Variants in MAPK10 observed in about 807,000 individuals in gnomAD.
The protein encoded by MAPK10 is mitogen-activated protein kinase 10, also known as JNK3 alpha protein kinase.
In MAPK10, 25 loss-of-function variants were observed where a neutral mutation model predicts 59.3. The observed-to-expected ratio is 0.42, with a 90% CI of 0.31 to 0.59. MAPK10 has a LOEUF of 0.59. Ranked by LOEUF, MAPK10 falls within the 20% of genes least tolerant of loss-of-function variation. The pLI, the probability that MAPK10 is intolerant of heterozygous loss-of-function variation, is 0.15. For synonymous variants in MAPK10, 190 were observed against 200.5 expected, an observed-to-expected ratio of 0.95 and a Z score of 0.44; for missense variants, 351 against 568.9, an observed-to-expected ratio of 0.62 and a Z score of 3.90.
At chr4:86,040,459 A>G (rs1018650588) in intron 11 of MAPK10, among the ~76,000 whole-genome samples, 6 of 152,208 alleles carry the variant, frequency 3.9e-5, no homozygotes, top group African/African-American at 7.2e-5. Context: ...AAGAGAAAAA[A>G]TGAAAACAAA....
At chr4:86,049,830 A>C (rs985543989) in intron 11 of MAPK10, among the ~76,000 whole-genome samples, 1 of 151,942 alleles carries the variant, frequency 6.6e-6, no homozygotes, top group South Asian at 2.1e-4. Flanking sequence ...TCTTTCTACT[A>C]TTTTATCACT....
upstream of MAPK10, among the ~76,000 whole-genome samples, chr4:86,456,226 A>G (rs1751213203): frequency 6.6e-6 from 1 of 152,192 alleles, no homozygotes; most frequent in South Asian, 2.1e-4. Context: ...CAAACAGACA[A>G]TCTAAGGTCA....
At chr4:86,100,961 T>C (rs372004644) in intron 8 of MAPK10, 91 bp downstream of exon 8, 4 of 1,109,544 alleles carry the variant, frequency 3.6e-6, no homozygotes, top group Non-Finnish European at 2.6e-6. Flanking sequence ...TATAAAAGCA[T>C]GTACATAAAA....
At chr4:86,106,234 G>A (rs1187671139) in intron 5 of MAPK10, among the ~76,000 whole-genome samples, 1 of 151,968 alleles carries the variant, frequency 6.6e-6, no homozygotes. Flanking sequence ...TGTCTTCTCA[G>A]TGCCACTGGT....
At chr4:86,385,617 C>T (rs1741354303) in intron 1 of MAPK10, among the ~76,000 whole-genome samples, 1 of 152,134 alleles carries the variant, frequency 6.6e-6, no homozygotes, top group Non-Finnish European at 1.5e-5. Context: ...CCACAAATCA[C>T]TTCCCAAGAA....
intron 1 of MAPK10, among the ~76,000 whole-genome samples, chr4:86,365,724 T>C (rs1737762992): frequency 6.6e-6 from 1 of 152,310 alleles, no homozygotes; most frequent in East Asian, 1.9e-4. Context: ...TATCACATAT[T>C]TGAACTTTGT....
chr4:86,097,110 A>T (rs2054376299), intron 9 of MAPK10, among the ~76,000 whole-genome samples: 1 of 152,042 alleles, frequency 6.6e-6, no homozygotes, highest in Admixed American at 6.6e-5. Context: ...CAAGCTATAT[A>T]AGATTATTAG....
At chr4:86,330,738 A>G (rs1388444091) in intron 2 of MAPK10, among the ~76,000 whole-genome samples, 11 of 152,284 alleles carry the variant, frequency 7.2e-5, no homozygotes, top group Non-Finnish European at 5.9e-5. Flanking sequence ...TAAATTATCC[A>G]GCCTTGGGCA....
intron 9 of MAPK10, among the ~76,000 whole-genome samples, chr4:86,076,164 C>A (rs6821840): frequency 6.6e-6 from 1 of 152,084 alleles, no homozygotes; most frequent in Non-Finnish European, 1.5e-5. Context: ...TTTCCAGGTG[C>A]GTCTGTCACC....
Position 86,415,488 on chromosome 4 carries a change from G to C in MAPK10, c.-122+37542C>G, listed in dbSNP as rs144181788. Among the ~76,000 whole-genome samples the C allele has an allele frequency of 9.9e-4, 150 of 152,248 alleles. 1 individual carries two copies. The highest frequency in any genetic ancestry group is 2.0e-3 in the Non-Finnish European group (134 of 68,012). ...GGGTATTGTGAATCTCTGATGCTTTGTTCTCTTCAATAAAGAACTACTACA... is the reference window on the plus strand; with the variant it reads ...GGGTATTGTGAATCTCTGATGCTTTCTTCTCTTCAATAAAGAACTACTACA... On this transcript the variant is annotated intron_variant, in intron 1 of 13. Transcript: ENST00000361569.
At chr4:86,501,130 A>C (rs769968560) in intron 1 of MAPK10, among the ~76,000 whole-genome samples, 1,871 of 151,010 alleles carry the variant, frequency 0.012, 28 homozygotes, top group Middle Eastern at 0.028. Context: ...AAAAAAAAAA[A>C]AAAAAAAAAA....
intron 1 of MAPK10, among the ~76,000 whole-genome samples, chr4:86,376,133 G>T (rs569371121): frequency 6.6e-6 from 1 of 152,240 alleles, no homozygotes; most frequent in East Asian, 1.9e-4. Context: ...ATAAAGGAAG[G>T]TATTCCATTT....
chr4:86,304,003 C>G (rs2095516745), intron 2 of MAPK10, among the ~76,000 whole-genome samples: 1 of 152,176 alleles, frequency 6.6e-6, no homozygotes, highest in African/African-American at 2.4e-5. Context: ...CCAGTGGTCT[C>G]TTTAGTCCAT....
At chr4:86,366,429 T>A (rs892416358) in intron 1 of MAPK10, among the ~76,000 whole-genome samples, 1 of 152,206 alleles carries the variant, frequency 6.6e-6, no homozygotes, top group African/African-American at 2.4e-5. Context: ...AATGTTTAAC[T>A]AAATTTCCTC....
intron 4 of MAPK10, among the ~76,000 whole-genome samples, chr4:86,146,530 G>A (rs930705425): frequency 3.9e-5 from 6 of 152,126 alleles, no homozygotes; most frequent in Admixed American, 2.0e-4. Flanking sequence ...TTAGGTTATA[G>A]CCATTTAACA....
intron 1 of MAPK10, among the ~76,000 whole-genome samples, chr4:86,400,762 G>A (rs1743601096): frequency 6.6e-6 from 1 of 152,084 alleles, no homozygotes; most frequent in South Asian, 2.1e-4. Flanking sequence ...TTTTTTGGAA[G>A]TCAATTACTT....
At chr4:86,084,838 A>T (rs982263914) in intron 9 of MAPK10, among the ~76,000 whole-genome samples, 1 of 152,190 alleles carries the variant, frequency 6.6e-6, no homozygotes, top group Non-Finnish European at 1.5e-5. Context: ...ACATTACCTG[A>T]CTTCAAATTA....
intron 2 of MAPK10, among the ~76,000 whole-genome samples, chr4:86,288,825 G>C (rs1212193451): frequency 1.3e-5 from 2 of 151,794 alleles, no homozygotes; most frequent in African/African-American, 4.8e-5. Flanking sequence ...AAATTCAAAA[G>C]AGAGATCTTG....
intron 1 of MAPK10, among the ~76,000 whole-genome samples, chr4:86,524,173 T>C (rs1757309692): frequency 6.6e-6 from 1 of 152,212 alleles, no homozygotes; most frequent in African/African-American, 2.4e-5. Flanking sequence ...ATCATGCAGA[T>C]GCCCAATCTT....
Sources: gnomAD v4.1 joint callset for allele counts (sites outside exome capture counted in the v4.1 genomes callset) on GRCh38, gnomAD v4.1.1 for gene constraint, MANE v1.5 for transcripts, NCBI Gene and HGNC (gene_info 2026-07-23, HGNC 2026-07-21) for gene names.